The following AHI1 variants were observed in gnomAD, a reference collection of about 807,000 sequenced individuals.
The protein encoded by AHI1 is jouberin.
In AHI1, 123 loss-of-function variants were observed where a neutral mutation model predicts 149.3. That is an observed-to-expected ratio of 0.82 (90% CI 0.71 to 0.96). The LOEUF (loss-of-function observed/expected upper bound fraction) is 0.96. Among genes scored for constraint, AHI1 ranks in the 40% least tolerant of loss-of-function variants. AHI1 has a pLI of 0.00. For missense variants in AHI1, 1,439 were observed against 1,422.7 expected, an observed-to-expected ratio of 1.01 and a Z score of -0.18; for synonymous variants, 475 against 459.8, an observed-to-expected ratio of 1.03 and a Z score of -0.42.
chr6:135,464,728 G>C (rs557658615), intron 7 of AHI1, among the ~76,000 whole-genome samples: 1 of 152,296 alleles, frequency 6.6e-6, no homozygotes, highest in East Asian at 1.9e-4. Context: ...GTCAGGACCT[G>C]AGGCCTACCA....
chr6:135,375,234 C>T (rs1775733541), intron 23 of AHI1, among the ~76,000 whole-genome samples: 1 of 150,992 alleles, frequency 6.6e-6, no homozygotes, highest in Admixed American at 6.6e-5. Flanking sequence ...TTTTTTTTTC[C>T]AGCACTAGAC....
chr6:135,298,303 T>C (rs1000162971), intron 27 of AHI1, among the ~76,000 whole-genome samples: 1 of 149,148 alleles, frequency 6.7e-6, no homozygotes, highest in African/African-American at 2.5e-5. Flanking sequence ...ATAAATTGCT[T>C]GCATAGAAGT....
In AHI1 at chr6:135,416,457, T is replaced by C. The variant is rs145706811; in HGVS notation, c.2765-4913A>G. 2.5e-3 allele frequency among the ~76,000 whole-genome samples: 375 copies of C among 152,128 alleles called. 1 individual carries two copies. The highest frequency in any genetic ancestry group is 8.5e-3 in the African/African-American group (354 of 41,544). On this transcript the variant is annotated intron_variant, in intron 20 of 28. Transcript: ENST00000265602. ...GGGTAGTTAGTGTGTACTGAAGCAC[T>C]ATCTAAATGTTGAAAAAGATATAAC...
chr6:135,298,859 G>A (rs190681433), intron 27 of AHI1, among the ~76,000 whole-genome samples: 19 of 152,268 alleles, frequency 1.2e-4, no homozygotes, highest in Non-Finnish European at 2.4e-4. Flanking sequence ...AATGTAGACC[G>A]AGTGAGGAGT....
At chr6:135,328,650 C>T (rs1290482895) in intron 24 of AHI1, among the ~76,000 whole-genome samples, 1 of 151,910 alleles carries the variant, frequency 6.6e-6, no homozygotes, top group African/African-American at 2.4e-5. Flanking sequence ...TGAAATTAGG[C>T]CAATTAATAA....
intron 11 of AHI1, among the ~76,000 whole-genome samples, chr6:135,452,798 G>A (rs944214684): frequency 3.9e-5 from 6 of 151,950 alleles, no homozygotes; most frequent in African/African-American, 1.5e-4. Context: ...AAATATCAGG[G>A]TTTTTGCATA....
At chr6:135,407,133 T>G (rs1780904027) in intron 21 of AHI1, among the ~76,000 whole-genome samples, 1 of 152,180 alleles carries the variant, frequency 6.6e-6, no homozygotes, top group African/African-American at 2.4e-5. Context: ...TTTTTGTATC[T>G]TTTACTCATT....
chr6:135,417,857 C>T (rs548643265), intron 20 of AHI1, among the ~76,000 whole-genome samples: 1 of 152,008 alleles, frequency 6.6e-6, no homozygotes, highest in Admixed American at 6.6e-5. Context: ...CCAGCCTCCA[C>T]AAATACATAC....
chr6:135,471,783 C>T (rs533117435), intron 5 of AHI1, among the ~76,000 whole-genome samples: 79 of 151,628 alleles, frequency 5.2e-4, no homozygotes, highest in African/African-American at 1.8e-3. Context: ...GAGGCCGAGG[C>T]GGGTGGATCA....
intron 20 of AHI1, among the ~76,000 whole-genome samples, chr6:135,419,453 C>T (rs1321847493): frequency 6.6e-6 from 1 of 151,722 alleles, no homozygotes; most frequent in East Asian, 1.9e-4. Context: ...AGAGATATGG[C>T]GGGTTTGGTT....
intron 10 of AHI1, among the ~76,000 whole-genome samples, chr6:135,455,401 T>C (rs997204207): frequency 6.6e-6 from 1 of 152,224 alleles, no homozygotes; most frequent in African/African-American, 2.4e-5. Flanking sequence ...TAAATGAGTT[T>C]ATGCTTTGTG....
intron 4 of AHI1, among the ~76,000 whole-genome samples, chr6:135,491,974 C>A (rs897154454): frequency 7.9e-5 from 12 of 152,114 alleles, no homozygotes; most frequent in Non-Finnish European, 1.3e-4. Flanking sequence ...TAAAAACTAA[C>A]CCTATGTTGT....
chr6:135,425,862 C>T (rs558849242), intron 20 of AHI1, among the ~76,000 whole-genome samples: 12 of 151,866 alleles, frequency 7.9e-5, no homozygotes, highest in African/African-American at 2.7e-4. Context: ...AAATAAATTG[C>T]TTTAAGAAAA....
At chr6:135,490,576 T>A in intron 5 of AHI1, 47 bp downstream of exon 5, 1 of 1,608,356 alleles carries the variant, frequency 6.2e-7, no homozygotes, top group Non-Finnish European at 8.5e-7. Flanking sequence ...ATATCTGCAT[T>A]TTATGCGCAT....
intron 26 of AHI1, among the ~76,000 whole-genome samples, chr6:135,315,350 A>G (rs1785782004): frequency 6.6e-6 from 1 of 151,772 alleles, no homozygotes; most frequent in South Asian, 2.1e-4. Flanking sequence ...TAGCTTGGTG[A>G]CTCCTTTTCC....
intron 5 of AHI1, among the ~76,000 whole-genome samples, chr6:135,484,519 T>C (rs974723445): frequency 3.9e-5 from 6 of 152,142 alleles, no homozygotes; most frequent in Admixed American, 3.9e-4. Context: ...GTTATCTTAA[T>C]ATTTATGACA....
chr6:135,484,509 G>A (rs1794187326), intron 5 of AHI1, among the ~76,000 whole-genome samples: 1 of 151,766 alleles, frequency 6.6e-6, no homozygotes, highest in Non-Finnish European at 1.5e-5. Context: ...TCACTTAGCT[G>A]TTATCTTAAT....
At position 135,285,570 on chromosome 6, in the gene AHI1, C is replaced by A; in HGVS notation, c.*75G>T. 6.7e-7 allele frequency: 1 copy of A among 1,500,300 alleles called. No individual in the cohort carries two copies. Among genetic ancestry groups the A allele is most frequent in the Non-Finnish European group, 9.2e-7 (1 of 1,085,920 alleles). The allele number at this position is 1,500,300 out of a possible 1,614,324, so 92.9% of individuals were successfully genotyped here. On this transcript the variant is annotated 3_prime_UTR_variant, in exon 29 of 29. Coordinates refer to ENST00000265602, the MANE Select transcript of AHI1 (RefSeq NM_001134831.2). ...CCTTAGTATCTGAAAATTCTGAACTCTGAAGAGAAATTCCATTTGGTTTGT... is the reference window on the plus strand; with the variant it reads ...CCTTAGTATCTGAAAATTCTGAACTATGAAGAGAAATTCCATTTGGTTTGT...
chr6:135,300,986 T>A (rs1236450032), intron 26 of AHI1: 2 of 984,096 alleles, frequency 2.0e-6, no homozygotes, highest in Admixed American at 6.2e-5. Flanking sequence ...TATGCAAGAG[T>A]TTGAATTTGA....
Sources: allele counts gnomAD v4.1 joint callset (sites outside exome capture counted in the v4.1 genomes callset), GRCh38; gene constraint gnomAD v4.1.1; transcripts MANE v1.5; gene names NCBI Gene and HGNC (gene_info 2026-07-23, HGNC 2026-07-21).